Variants in NIT2 observed in about 807,000 individuals in gnomAD.
NIT2 encodes the protein omega-amidase NIT2.
In NIT2, 46 loss-of-function variants were observed where a neutral mutation model predicts 42.7. The observed-to-expected ratio is 1.08, with a 90% CI of 0.85 to 1.38. NIT2 has a LOEUF of 1.38. Among genes scored for constraint, NIT2 ranks in the 40% most tolerant of loss-of-function variants. The probability of loss-of-function intolerance (pLI) is 0.00; values close to 1 mark genes in which losing one functional copy is unlikely to be tolerated. For missense variants in NIT2, 309 were observed against 342.5 expected (o/e 0.90, Z 0.77); for synonymous variants, 123 against 121.9 (o/e 1.01, Z -0.06).
intron 7 of NIT2, among the ~76,000 whole-genome samples, chr3:100,351,139 T>G (rs372332649): frequency 1.3e-5 from 2 of 152,154 alleles, no homozygotes; most frequent in African/African-American, 4.8e-5. Flanking sequence ...CAAGTCTTTG[T>G]TATTGTGAAT....
At chr3:100,339,971 A>T (rs371645084) in intron 3 of NIT2, 36 bp downstream of exon 3, 44 of 1,578,640 alleles carry the variant, frequency 2.8e-5, no homozygotes, top group Non-Finnish European at 3.4e-5. Flanking sequence ...TGACCTAAAC[A>T]TTAGAAACAT....
In NIT2 at chr3:100,352,475, G is replaced by C; in HGVS notation, c.656G>C (p.Trp219Ser). ...ARDDKASYVAWGHSTVVNPWG... is the reference protein window; with the variant it reads ...ARDDKASYVASGHSTVVNPWG... ...GATGACAAAGCCTCCTATGTTGCCT[G>C]GGGACACAGCACCGTGGTGAACCCT... The change falls in exon 8 of 10, where the codon TGG becomes TCG. Residue 219 changes from tryptophan (W) to serine (S), a missense_variant. By Grantham distance (177) the Trp-to-Ser change is radical. Coordinates refer to ENST00000394140, the MANE Select transcript of NIT2 (RefSeq NM_020202.5). 1.2e-6 allele frequency: 2 copies of C among 1,613,312 alleles called. No homozygotes were observed. The highest frequency in any genetic ancestry group is 1.1e-5 in the South Asian group (1 of 91,052).
chr3:100,341,226 A>C (rs1227505593), intron 4 of NIT2, 65 bp downstream of exon 4: 8 of 1,220,932 alleles, frequency 6.6e-6, no homozygotes, highest in African/African-American at 4.5e-5. Flanking sequence ...TGGAAAAAAA[A>C]TTTGCTATGA....
chr3:100,341,614 C>T (rs898948388), intron 4 of NIT2, among the ~76,000 whole-genome samples: 21 of 151,998 alleles, frequency 1.4e-4, no homozygotes, highest in African/African-American at 4.6e-4. Context: ...ATGATCCACC[C>T]GCCTCAGCCT....
At chr3:100,340,324 C>G (rs1036768) in intron 3 of NIT2, among the ~76,000 whole-genome samples, 27,812 of 152,028 alleles carry the variant, frequency 0.18, 2,769 homozygotes, top group Non-Finnish European at 0.23. Context: ...CCTTGGCCTT[C>G]CAAAGTGCTA....
At chr3:100,351,858 A>AT (rs1343822895) in intron 7 of NIT2, among the ~76,000 whole-genome samples, 1 of 152,198 alleles carries the variant, frequency 6.6e-6, no homozygotes, top group Non-Finnish European at 1.5e-5. Context: ...CAACCTACTC[A>AT]TCTGACAAAG....
intron 8 of NIT2, 46 bp downstream of exon 8, chr3:100,352,548 G>C (rs929722677): frequency 2.7e-6 from 4 of 1,471,458 alleles, no homozygotes; most frequent in South Asian, 2.3e-5. Flanking sequence ...GCTTGAGCTT[G>C]AGTGGTGGCT....
intron 7 of NIT2, among the ~76,000 whole-genome samples, chr3:100,351,997 C>T (rs1559825721): frequency 1.3e-5 from 2 of 152,140 alleles, no homozygotes; most frequent in Non-Finnish European, 2.9e-5. Context: ...AGCCAAAAAA[C>T]ACATGAAAAA....
intron 1 of NIT2, among the ~76,000 whole-genome samples, chr3:100,337,264 A>G (rs768022191): frequency 6.6e-6 from 1 of 152,112 alleles, no homozygotes; most frequent in Non-Finnish European, 1.5e-5. Flanking sequence ...ACACAGTAAT[A>G]ATCTGATCGC....
At chr3:100,345,159 A>T (rs1706201272) in intron 4 of NIT2, among the ~76,000 whole-genome samples, 1 of 151,760 alleles carries the variant, frequency 6.6e-6, no homozygotes. Flanking sequence ...AGGTTTCACT[A>T]CTTTGGCCAG....
At chr3:100,355,023 T>C (rs1172976947) in intron 9 of NIT2, among the ~76,000 whole-genome samples, 154 bp from the exon 10 acceptor site, 1 of 152,056 alleles carries the variant, frequency 6.6e-6, no homozygotes, top group Non-Finnish European at 1.5e-5. Context: ...TGGTTTGGTT[T>C]GAAATGATGC....
chr3:100,346,359 A>T (rs1400491249), intron 6 of NIT2, 104 bp downstream of exon 6: 2 of 979,334 alleles, frequency 2.0e-6, no homozygotes, highest in Non-Finnish European at 3.1e-6. Context: ...GGGCTCTTTA[A>T]TTTCTCCATC....
rs1456014295 is a variant in NIT2, at chr3:100,358,639, G to A, written c.*3371G>A. 6.6e-6 allele frequency: 1 copy of A among 152,198 alleles called. No homozygotes were observed. The highest frequency in any genetic ancestry group is 1.5e-5 in the Non-Finnish European group (1 of 68,038). 9.4% of individuals were successfully genotyped at this position (152,198 alleles called of 1,614,324 possible). A position where few individuals can be genotyped will look rare whatever the true frequency, so the allele number is the denominator to read the frequency against. On this transcript the variant is annotated 3_prime_UTR_variant, in exon 10 of 10. Coordinates refer to ENST00000394140, the MANE Select transcript of NIT2 (RefSeq NM_020202.5). ...AGCTGAGAGCTAACAGATAATAAGT[G>A]TTGCACTGGTTGCAAATGAATAAAT... is the stretch of plus-strand genomic sequence containing the variant.
At chr3:100,340,922 G>A (rs1576199140) in intron 3 of NIT2, 151 bp from the exon 4 acceptor site, 1 of 605,700 alleles carries the variant, frequency 1.7e-6, no homozygotes, top group Admixed American at 2.9e-5. Flanking sequence ...ATAGAATGAG[G>A]TGTTGCCTTA....
At chr3:100,336,791 A>T (rs916560537) in intron 1 of NIT2, among the ~76,000 whole-genome samples, 8 of 151,956 alleles carry the variant, frequency 5.3e-5, no homozygotes, top group Non-Finnish European at 1.2e-4. Context: ...GACGGGCAGG[A>T]GACAGATGCC....
rs1706310168 is a variant in NIT2, at chr3:100,354,908, T to C, written c.739+81T>C. ...AGACTCCATGGCTGGGAAGTCCCTG[T>C]CATTTGGAGGGGTTCCTTTATGCCC... On this transcript the variant is annotated intron_variant, in intron 9 of 9. Coordinates refer to ENST00000394140, the MANE Select transcript of NIT2 (RefSeq NM_020202.5). 5.8e-6 allele frequency: 7 copies of C among 1,212,414 alleles called. No homozygotes were observed. In the Admixed American group the frequency reaches 7.7e-5, roughly 13 times the overall value. 75.1% of individuals were successfully genotyped at this position (1,212,414 alleles called of 1,614,324 possible). A position where few individuals can be genotyped will look rare whatever the true frequency, so the allele number is the denominator to read the frequency against.
chr3:100,339,549 A>C (rs1237231437), intron 2 of NIT2, among the ~76,000 whole-genome samples: 2 of 152,142 alleles, frequency 1.3e-5, no homozygotes, highest in Non-Finnish European at 2.9e-5. Context: ...TATTGGTTTT[A>C]GCACTAAGCC....
In NIT2 at chr3:100,355,231, G is replaced by A. The variant is rs747190969; in HGVS notation, c.794G>A (p.Arg265Gln). 18 of 1,613,914 alleles carry A rather than the reference G, an allele frequency of 1.1e-5. No individual in the cohort carries two copies. Among genetic ancestry groups the A allele is most frequent in the South Asian group, 3.3e-5 (3 of 91,082 alleles). Reference sequence around the variant, plus strand: ...CAAATCCCCGTTTTTAGACAGAAGCGATCAGACCTCTATGCTGTGGAGATG... The same window carrying A: ...CAAATCCCCGTTTTTAGACAGAAGCAATCAGACCTCTATGCTGTGGAGATG... ...RQQIPVFRQKRSDLYAVEMKK... is the reference protein window; with the variant it reads ...RQQIPVFRQKQSDLYAVEMKK... Residue 265 changes from arginine to glutamine, a missense_variant, in exon 10 of 10, where the codon CGA (arginine) becomes CAA (glutamine). Physicochemically the swap from Arg to Gln is conservative, Grantham distance 43. Transcript: ENST00000394140.
In NIT2 at chr3:100,356,988, T is replaced by C. The variant is rs1291659907; in HGVS notation, c.*1720T>C. On this transcript the variant is annotated 3_prime_UTR_variant, in exon 10 of 10. Coordinates refer to ENST00000394140, the MANE Select transcript of NIT2 (RefSeq NM_020202.5). The stretch of plus-strand genomic sequence containing the variant: ...CTGTATGTCTTCTTTCACTCAAAAT[T>C]ACTTCTTTCATTTTTAGACGGAAGC... 1 of 152,226 alleles carries C rather than the reference T, an allele frequency of 6.6e-6. No homozygotes were observed. Among genetic ancestry groups the C allele is most frequent in the Non-Finnish European group, 1.5e-5 (1 of 68,038 alleles). The allele number at this position is 152,226 out of a possible 1,614,324, so 9.4% of individuals were successfully genotyped here.
Sources: allele counts gnomAD v4.1 joint callset (sites outside exome capture counted in the v4.1 genomes callset), GRCh38; gene constraint gnomAD v4.1.1; transcripts MANE v1.5; gene names NCBI Gene and HGNC (gene_info 2026-07-23, HGNC 2026-07-21).